Variants in GRIK2 observed in about 807,000 individuals in gnomAD.
The protein encoded by GRIK2 is glutamate receptor ionotropic, kainate 2.
GRIK2 carries 32 observed loss-of-function variants against 100.3 expected under a neutral mutation model. The observed-to-expected ratio is 0.32, with a 90% CI of 0.24 to 0.43. GRIK2 has a LOEUF of 0.43. Among genes scored for constraint, GRIK2 ranks in the 20% least tolerant of loss-of-function variants. The probability of loss-of-function intolerance (pLI) is 1.00; values close to 1 mark genes in which losing one functional copy is unlikely to be tolerated. For synonymous variants in GRIK2, 417 were observed against 389.4 expected, an observed-to-expected ratio of 1.07 and a Z score of -0.83; for missense variants, 843 against 1,114.9, an observed-to-expected ratio of 0.76 and a Z score of 3.47.
At chr6:101,419,001 A>G (rs957999760) in intron 2 of GRIK2, among the ~76,000 whole-genome samples, 1 of 152,168 alleles carries the variant, frequency 6.6e-6, no homozygotes, top group African/African-American at 2.4e-5. Flanking sequence ...GGCCTTTAAG[A>G]GTAGAGGTGT....
intron 2 of GRIK2, among the ~76,000 whole-genome samples, chr6:101,455,069 G>T (rs1315595179): frequency 1.3e-5 from 2 of 151,958 alleles, no homozygotes; most frequent in East Asian, 3.9e-4. Context: ...TACTGGATTT[G>T]GTTATAACAG....
chr6:101,800,696 T>C (rs781360832), intron 8 of GRIK2, among the ~76,000 whole-genome samples: 1 of 152,100 alleles, frequency 6.6e-6, no homozygotes, highest in African/African-American at 2.4e-5. Context: ...GATGAATTAA[T>C]AGTTTCGAAG....
chr6:101,689,978 T>G (rs1326201381), intron 7 of GRIK2, among the ~76,000 whole-genome samples: 1 of 152,174 alleles, frequency 6.6e-6, no homozygotes, highest in African/African-American at 2.4e-5. Flanking sequence ...TCTGCCTTTA[T>G]GTAGCACATT....
intron 7 of GRIK2, among the ~76,000 whole-genome samples, chr6:101,737,688 G>A (rs1487777598): frequency 2.6e-5 from 4 of 152,150 alleles, no homozygotes; most frequent in Non-Finnish European, 5.9e-5. Context: ...GGTGAAAAAT[G>A]TAATGAAACC....
chr6:101,403,716 G>T (rs1417980357), intron 2 of GRIK2, among the ~76,000 whole-genome samples: 2 of 152,196 alleles, frequency 1.3e-5, no homozygotes, highest in African/African-American at 2.4e-5. Context: ...TCCTTTGAGA[G>T]GTGAGGTGGG....
chr6:101,432,985 C>T (rs1196038641), intron 2 of GRIK2, among the ~76,000 whole-genome samples: 2 of 152,056 alleles, frequency 1.3e-5, no homozygotes, highest in East Asian at 1.9e-4. Context: ...ATGAAACTGA[C>T]ATAAGGTGGT....
chr6:101,867,007 A>T (rs1214532067), intron 11 of GRIK2, among the ~76,000 whole-genome samples: 1 of 151,430 alleles, frequency 6.6e-6, no homozygotes, highest in Non-Finnish European at 1.5e-5. Flanking sequence ...GATGTTTGTG[A>T]TTTGTTGGAA....
At chr6:101,733,734 T>G (rs2764235) in intron 7 of GRIK2, among the ~76,000 whole-genome samples, 1 of 70,972 alleles carries the variant, frequency 1.4e-5, no homozygotes, top group Non-Finnish European at 3.0e-5. Context: ...TTTTTTTTTG[T>G]ATTTTATTAT....
intron 10 of GRIK2, among the ~76,000 whole-genome samples, chr6:101,850,973 A>G (rs967481834): frequency 5.9e-5 from 9 of 152,134 alleles, no homozygotes; most frequent in African/African-American, 2.2e-4. Context: ...AAGGAGAGTC[A>G]TAACTTGATG....
intron 2 of GRIK2, among the ~76,000 whole-genome samples, chr6:101,539,142 A>T (rs1775865502): frequency 6.6e-6 from 1 of 151,784 alleles, no homozygotes; most frequent in African/African-American, 2.4e-5. Flanking sequence ...ATAATGATTA[A>T]CACAGACTCT....
At chr6:101,724,395 C>G (rs1252481902) in intron 7 of GRIK2, among the ~76,000 whole-genome samples, 1 of 151,728 alleles carries the variant, frequency 6.6e-6, no homozygotes, top group Non-Finnish European at 1.5e-5. Context: ...CATTTTTATG[C>G]CCACGTGTAC....
intron 7 of GRIK2, among the ~76,000 whole-genome samples, chr6:101,695,802 TTAAG>T (rs1340767463): frequency 5.3e-5 from 8 of 152,062 alleles, no homozygotes; most frequent in African/African-American, 1.4e-4. Context: ...AATACTTACA[TTAAG>T]TAAGTATTAC....
At chr6:101,541,474 G>C (rs1318004424) in intron 2 of GRIK2, among the ~76,000 whole-genome samples, 3 of 150,738 alleles carry the variant, frequency 2.0e-5, no homozygotes, top group African/African-American at 7.4e-5. Context: ...CTGGGATGAA[G>C]GTGAGAAAGG....
intron 16 of GRIK2, among the ~76,000 whole-genome samples, chr6:102,060,042 T>G (rs1771669161): frequency 6.6e-6 from 1 of 150,494 alleles, no homozygotes; most frequent in Admixed American, 6.7e-5. Context: ...GATACTGAAT[T>G]TGTGCAATAG....
Position 101,908,894 on chromosome 6 carries a change from T to C in GRIK2, c.1749-15707T>C, listed in dbSNP as rs1788436452. ...AAAAGGTGTTTTTATGCCCCTCCCTTGTTTTATACATAAGATAACTGAGGC... is the reference window on the plus strand; with the variant it reads ...AAAAGGTGTTTTTATGCCCCTCCCTCGTTTTATACATAAGATAACTGAGGC... On this transcript the variant is annotated intron_variant, in intron 12 of 16. Coordinates refer to ENST00000369134, the MANE Select transcript of GRIK2 (RefSeq NM_021956.5). 4.6e-5 allele frequency among the ~76,000 whole-genome samples: 7 copies of C among 151,378 alleles called. 1 individual carries two copies. In the South Asian group the frequency reaches 1.5e-3, roughly 31 times the overall value.
At chr6:101,856,646 A>G (rs1784439118) in intron 10 of GRIK2, among the ~76,000 whole-genome samples, 1 of 152,210 alleles carries the variant, frequency 6.6e-6, no homozygotes, top group Non-Finnish European at 1.5e-5. Flanking sequence ...AAGTGAAGTC[A>G]GGAGAGGATT....
rs1771469467 is a variant in GRIK2 at position 101,463,783 on chromosome 6, G to GT, written c.115+64392dup. On this transcript the variant is annotated intron_variant, in intron 2 of 16. Transcript: ENST00000369134. ...GAGACTCCAACATGCATGGAAAGTA[G>GT]TATTTCCCAAGATCAATTTTGAGGA... 3.3e-5 allele frequency among the ~76,000 whole-genome samples: 5 copies of GT among 151,934 alleles called. No homozygotes were observed. In the South Asian group the frequency reaches 1.0e-3, roughly 32 times the overall value.
At chr6:101,935,979 T>C (rs1790592421) in intron 14 of GRIK2, among the ~76,000 whole-genome samples, 1 of 152,068 alleles carries the variant, frequency 6.6e-6, no homozygotes, top group African/African-American at 2.4e-5. Flanking sequence ...AATTACTGAT[T>C]AGGAAATAGC....
In GRIK2 at chr6:101,508,174, A is replaced by T. The variant is rs936792621; in HGVS notation, c.115+108782A>T. Among the ~76,000 whole-genome samples, 6 of 151,998 alleles carry T rather than the reference A, an allele frequency of 3.9e-5. 1 individual carries two copies. The highest frequency in any genetic ancestry group is 3.3e-4 in the Admixed American group (5 of 15,264). ...TCACTACTTAATTTTTATTTCAGTG[A>T]CAGGACCAATTCAGACCAGGTTAAA... On this transcript the variant is annotated intron_variant, in intron 2 of 16. Transcript: ENST00000369134.
Sources: gnomAD v4.1 joint callset for allele counts (sites outside exome capture counted in the v4.1 genomes callset) on GRCh38, gnomAD v4.1.1 for gene constraint, MANE v1.5 for transcripts, NCBI Gene and HGNC (gene_info 2026-07-23, HGNC 2026-07-21) for gene names.